The following ABCC1 variants were observed in gnomAD, a reference collection of about 807,000 sequenced individuals.
ABCC1 encodes the protein multidrug resistance-associated protein 1.
ABCC1 carries 83 observed loss-of-function variants against 172.9 expected under a neutral mutation model. The ratio of observed to expected loss-of-function variants is 0.48; its 90% CI spans 0.40 to 0.58. The LOEUF (loss-of-function observed/expected upper bound fraction) is 0.58. ABCC1 is among the 20% of genes least tolerant of loss of function. The pLI is 0.00. For missense variants in ABCC1, 1,817 were observed against 2,002.7 expected (o/e 0.91, Z 1.77); for synonymous variants, 937 against 825.2 (o/e 1.14, Z -2.32).
chr16:16,062,646 G>A (rs929971253), intron 12 of ABCC1, among the ~76,000 whole-genome samples: 12 of 152,190 alleles, frequency 7.9e-5, no homozygotes, highest in Non-Finnish European at 1.5e-4. Flanking sequence ...TGTCCTGGCC[G>A]AGGCATCGAA....
At chr16:16,129,451 C>T (rs1461087291) in intron 26 of ABCC1, among the ~76,000 whole-genome samples, 1 of 151,866 alleles carries the variant, frequency 6.6e-6, no homozygotes, top group Non-Finnish European at 1.5e-5. Context: ...GAGTTTGAGA[C>T]GATCCTGGGC....
intron 5 of ABCC1, among the ~76,000 whole-genome samples, chr16:16,022,300 C>T (rs2048221350): frequency 6.6e-6 from 1 of 152,124 alleles, no homozygotes; most frequent in Non-Finnish European, 1.5e-5. Context: ...CTTGGTGGGG[C>T]TCCTCCCATC....
chr16:16,098,861 C>G, intron 19 of ABCC1: 2 of 1,352,122 alleles, frequency 1.5e-6, no homozygotes, highest in Non-Finnish European at 2.0e-6. Context: ...CTTGGGTCTT[C>G]TGAATTCCCA....
intron 2 of ABCC1, 41 bp from the exon 3 acceptor site, chr16:16,009,735 A>G (rs745571748): frequency 3.9e-6 from 6 of 1,542,072 alleles, no homozygotes; most frequent in South Asian, 2.5e-5. Context: ...GGGAGGTTCC[A>G]GGGCGGTCTG....
chr16:16,076,088 C>A, intron 14 of ABCC1: 2 of 519,844 alleles, frequency 3.8e-6, no homozygotes, highest in Admixed American at 8.2e-5. Context: ...GCAACCCCAT[C>A]TTACAAGGAC....
At chr16:15,996,420 C>T (rs1378399488) in intron 1 of ABCC1, among the ~76,000 whole-genome samples, 1 of 152,222 alleles carries the variant, frequency 6.6e-6, no homozygotes, top group African/African-American at 2.4e-5. Context: ...CCACTGCACC[C>T]AGCTGGTTGT....
At chr16:15,982,166 G>A (rs2046636348) in intron 1 of ABCC1, among the ~76,000 whole-genome samples, 1 of 152,096 alleles carries the variant, frequency 6.6e-6, no homozygotes. Flanking sequence ...CCTCCAAACT[G>A]TTCCAGCCTC....
rs1471688416 is a variant in ABCC1, at chr16:16,033,095, T to G, written c.616-14T>G. On this transcript the variant is annotated splice_polypyrimidine_tract_variant and intron_variant, in intron 5 of 30. Coordinates refer to ENST00000399410, the MANE Select transcript of ABCC1 (RefSeq NM_004996.4). ...TTCCCTCTTCCTCCCAAACCTGTGC[T>G]TTCTTTCCACTAGAATCCCTGCCCA... 2.5e-6 allele frequency: 4 copies of G among 1,613,802 alleles called. No individual in the cohort carries two copies. Among genetic ancestry groups the G allele is most frequent in the Non-Finnish European group, 3.4e-6 (4 of 1,179,740 alleles).
At chr16:16,073,086 G>T (rs990403447) in intron 14 of ABCC1, among the ~76,000 whole-genome samples, 1 of 151,270 alleles carries the variant, frequency 6.6e-6, no homozygotes, top group African/African-American at 2.4e-5. Context: ...ATGGCACTAA[G>T]TGCAGTGACA....
chr16:16,120,873 C>T (rs2045120155), intron 23 of ABCC1, among the ~76,000 whole-genome samples: 1 of 152,070 alleles, frequency 6.6e-6, no homozygotes, highest in Non-Finnish European at 1.5e-5. Context: ...TGGAACCGGC[C>T]ATTGCATGGA....
chr16:16,061,180 C>T (rs2049893889), intron 12 of ABCC1, among the ~76,000 whole-genome samples: 1 of 152,180 alleles, frequency 6.6e-6, no homozygotes, highest in Non-Finnish European at 1.5e-5. Flanking sequence ...CCACCTCGGC[C>T]TCCTAAAGTG....
intron 23 of ABCC1, among the ~76,000 whole-genome samples, chr16:16,119,516 C>T (rs1183933683): frequency 3.9e-5 from 6 of 151,966 alleles, no homozygotes; most frequent in Admixed American, 3.9e-4. Flanking sequence ...CATGGTGAAA[C>T]CCCATCTCTA....
intron 3 of ABCC1, among the ~76,000 whole-genome samples, chr16:16,011,195 T>G (rs918826331): frequency 6.6e-6 from 1 of 151,782 alleles, no homozygotes; most frequent in Non-Finnish European, 1.5e-5. Flanking sequence ...ATCGCACCAC[T>G]GTGCTCCAGT....
At chr16:16,140,278 T>C (rs2046079025) in intron 30 of ABCC1, among the ~76,000 whole-genome samples, 1 of 152,156 alleles carries the variant, frequency 6.6e-6, no homozygotes, top group African/African-American at 2.4e-5. Flanking sequence ...GGTGAGAAGC[T>C]TGGAACTTAC....
At chr16:15,976,756 C>G (rs530651364) in intron 1 of ABCC1, among the ~76,000 whole-genome samples, 1 of 152,192 alleles carries the variant, frequency 6.6e-6, no homozygotes, top group Non-Finnish European at 1.5e-5. Flanking sequence ...GCAGCAAACT[C>G]AACCCCTAAC....
chr16:16,075,216 A>T (rs940013722), intron 14 of ABCC1, among the ~76,000 whole-genome samples: 6 of 151,952 alleles, frequency 3.9e-5, no homozygotes, highest in Non-Finnish European at 8.8e-5. Flanking sequence ...AAGTGTTGGG[A>T]TTACAGGCAT....
intron 22 of ABCC1, among the ~76,000 whole-genome samples, chr16:16,114,540 T>C (rs1038132080): frequency 1.3e-5 from 2 of 151,986 alleles, no homozygotes; most frequent in South Asian, 4.1e-4. Flanking sequence ...GGAGTTTCAC[T>C]GTGTTGGCCA....
chr16:15,996,284 G>C (rs1385361846), intron 1 of ABCC1, among the ~76,000 whole-genome samples: 2 of 152,062 alleles, frequency 1.3e-5, no homozygotes, highest in Non-Finnish European at 2.9e-5. Context: ...CACCCGGCCA[G>C]CTAAGTTTTT....
intron 21 of ABCC1, among the ~76,000 whole-genome samples, chr16:16,108,356 C>T (rs2052233127): frequency 6.6e-6 from 1 of 150,576 alleles, no homozygotes; most frequent in Admixed American, 6.6e-5. Flanking sequence ...CCGCAACCTC[C>T]GCCTCCCGGG....
Sources: gnomAD v4.1 joint callset for allele counts (sites outside exome capture counted in the v4.1 genomes callset) on GRCh38, gnomAD v4.1.1 for gene constraint, MANE v1.5 for transcripts, NCBI Gene and HGNC (gene_info 2026-07-23, HGNC 2026-07-21) for gene names.